TLR3: variants seen among roughly 807,000 people sequenced by gnomAD.
TLR3 encodes toll-like receptor 3.
A neutral mutation model predicts 66.4 loss-of-function variants in TLR3; 43 were observed. The observed-to-expected ratio is 0.65, with a 90% CI of 0.51 to 0.83. The LOEUF (loss-of-function observed/expected upper bound fraction) is 0.83, where lower values mean the gene tolerates loss of function less well. TLR3 is among the 40% of genes least tolerant of loss of function. TLR3 has a pLI of 0.00. For synonymous variants in TLR3, 397 were observed against 397.2 expected (o/e 1.00, Z 0.01); for missense variants, 982 against 1,044.6 (o/e 0.94, Z 0.83).
Position 186,076,898 on chromosome 4 carries a change from A to G in TLR3, c.279A>G (p.Glu93=). The G allele has an allele frequency of 6.2e-7, 1 of 1,614,230 alleles. No individual in the cohort carries two copies. The highest frequency in any genetic ancestry group is 8.5e-7 in the Non-Finnish European group (1 of 1,180,052). The change falls in exon 2 of 5, where the codon GAA becomes GAG. Residue 93 remains glutamate, a synonymous_variant. Transcript: ENST00000296795. ...GFNTISKLEP[E]LCQKLPMLKV... ...ACACCATCTCAAAACTGGAGCCAGA[A>G]TTGTGCCAGAAACTTCCCATGTTAA...
chr4:186,074,006 T>C (rs531846584), intron 1 of TLR3, among the ~76,000 whole-genome samples: 49 of 152,294 alleles, frequency 3.2e-4, no homozygotes, highest in Middle Eastern at 3.4e-3. Context: ...AAAACCATAA[T>C]TAGCTATCAC....
Position 186,078,238 on chromosome 4 carries a change from C to T in TLR3, c.442-602C>T, listed in dbSNP as rs149716240. 9.9e-5 allele frequency among the ~76,000 whole-genome samples: 15 copies of T among 152,220 alleles called. No homozygotes were observed. The East Asian group carries it at 2.9e-3, about 29-fold the overall frequency. On this transcript the variant is annotated intron_variant, in intron 2 of 4. Transcript: ENST00000296795. ...ACCTTTTGCCTGAATTTGAAGCATA[C>T]ATATTCAAAAATAGCAAAGGGTGAT...
chr4:186,076,253 T>C (rs558405630), intron 1 of TLR3, among the ~76,000 whole-genome samples: 1 of 152,324 alleles, frequency 6.6e-6, no homozygotes, highest in East Asian at 1.9e-4. Context: ...AAATTCCTTA[T>C]CTTTATAGTG....
intron 1 of TLR3, among the ~76,000 whole-genome samples, chr4:186,072,685 G>T (rs1166894579): frequency 6.6e-6 from 1 of 152,174 alleles, no homozygotes; most frequent in African/African-American, 2.4e-5. Flanking sequence ...CGAGGGGGTG[G>T]TGCTGAACCA....
Position 186,073,199 on chromosome 4 carries a change from G to A in TLR3, c.-7-3414G>A, listed in dbSNP as rs931542031. ...TTCTAAGGAAAGCACAGAACAATCC[G>A]GTGGGGGAAAGAAGTCTCTTTAAAA... On this transcript the variant is annotated intron_variant, in intron 1 of 4. Transcript: ENST00000296795. 1.9e-4 allele frequency among the ~76,000 whole-genome samples: 29 copies of A among 152,044 alleles called. 1 individual carries two copies. Among genetic ancestry groups the A allele is most frequent in the Admixed American group, 1.9e-3 (29 of 15,256 alleles).
At position 186,083,250 on chromosome 4, in the gene TLR3, A is replaced by G. The variant is rs1299388284; in HGVS notation, c.1564A>G (p.Asn522Asp). ...DLSNNNIANI[N>D]DDMLEGLEKL... ...AAGCAACAACAACATAGCCAACATA[A>G]ATGATGACATGTTGGAGGGTCTTGA... Residue 522 changes from asparagine to aspartate, a missense_variant, in exon 4 of 5, where the codon AAT becomes GAT. Coordinates refer to ENST00000296795, the MANE Select transcript of TLR3 (RefSeq NM_003265.3). This position sits in a 1 kb window ranked among gnomAD's most constrained non-coding sequence, Gnocchi z 4.0. 6.2e-7 allele frequency: 1 copy of G among 1,614,200 alleles called. No individual in the cohort carries two copies. Among genetic ancestry groups the G allele is most frequent in the Admixed American group, 1.7e-5 (1 of 60,030 alleles).
Position 186,083,485 on chromosome 4 carries a change from C to A in TLR3, c.1799C>A (p.Thr600Lys). Residue 600 changes from threonine (T) to lysine (K), a missense_variant, in exon 4 of 5, where the codon ACA becomes AAA. Around this residue, in one of 3 missense-constraint regions of TLR3, gnomAD observed 666 missense variants for 709.0 expected, o/e 0.94. Transcript: ENST00000296795. The surrounding 1 kb of genome is among the most constrained non-coding windows in gnomAD (Gnocchi z 4.0). ...GATTTAGGATTGAATAATTTAAACA[C>A]ACTTCCAGCATCTGTCTTTAATAAT... is the stretch of plus-strand genomic sequence containing the variant. ...IIDLGLNNLN[T>K]LPASVFNNQV... The A allele has an allele frequency of 1.2e-6, 2 of 1,606,998 alleles. No individual in the cohort carries two copies. Among genetic ancestry groups the A allele is most frequent in the Non-Finnish European group, 1.7e-6 (2 of 1,175,906 alleles).
chr4:186,069,445 A>C (rs1268248866), intron 1 of TLR3, among the ~76,000 whole-genome samples, 197 bp downstream of exon 1: 1 of 152,228 alleles, frequency 6.6e-6, no homozygotes, highest in Non-Finnish European at 1.5e-5. Context: ...GGTATAACTC[A>C]GAACACAAGT....
At chr4:186,075,786 T>A (rs2099302342) in intron 1 of TLR3, among the ~76,000 whole-genome samples, 1 of 152,162 alleles carries the variant, frequency 6.6e-6, no homozygotes, top group African/African-American at 2.4e-5. Flanking sequence ...TCAAGCAATG[T>A]TATAGCTGAC....
chr4:186,082,601 A>G lies in TLR3; in HGVS notation c.915A>G (p.Leu305=), dbSNP rs201480574. 6 of 1,614,152 alleles carry G rather than the reference A, an allele frequency of 3.7e-6. No homozygotes were observed. The highest frequency in any genetic ancestry group is 3.3e-5 in the South Asian group (3 of 91,078). ...AWLPQLEYFF[L]EYNNIQHLFS... ...TTCCACAACTAGAATATTTCTTCCT[A>G]GAGTATAATAATATACAGCATTTGT... is the stretch of plus-strand genomic sequence containing the variant. The change falls in exon 4 of 5, where the codon CTA becomes CTG. Residue 305 remains leucine (L), a synonymous_variant. Coordinates refer to ENST00000296795, the MANE Select transcript of TLR3 (RefSeq NM_003265.3).
At position 186,086,439 on chromosome 4, in the gene TLR3, T is replaced by G. The variant is rs951849394; in HGVS notation, c.*1566T>G. ...TTCCATGACCCTGGAATGAGAAATA[T>G]CCACTGTACCTCTGGTTCTGAAGAG... On this transcript the variant is annotated 3_prime_UTR_variant, in exon 5 of 5. Coordinates refer to ENST00000296795, the MANE Select transcript of TLR3 (RefSeq NM_003265.3). 6.6e-6 allele frequency: 1 copy of G among 152,210 alleles called. No homozygotes were observed. The highest frequency in any genetic ancestry group is 1.5e-5 in the Non-Finnish European group (1 of 68,036). 9.4% of individuals were successfully genotyped at this position (152,210 alleles called of 1,614,324 possible).
intron 2 of TLR3, 103 bp downstream of exon 2, chr4:186,077,163 T>C: frequency 8.1e-7 from 1 of 1,236,874 alleles, no homozygotes; most frequent in Non-Finnish European, 1.1e-6. Flanking sequence ...AAATTTGATC[T>C]AATCCAATTT....
chr4:186,080,795 T>C (rs1393972151), intron 3 of TLR3, among the ~76,000 whole-genome samples: 2 of 152,052 alleles, frequency 1.3e-5, no homozygotes, highest in African/African-American at 4.8e-5. Flanking sequence ...TTTCACCGTG[T>C]TGGCCAGGCT....
intron 1 of TLR3, among the ~76,000 whole-genome samples, chr4:186,069,658 A>G (rs2099301101): frequency 6.6e-6 from 1 of 152,214 alleles, no homozygotes; most frequent in Non-Finnish European, 1.5e-5. Context: ...TGTTAGTTTT[A>G]TTGGCTGGAG....
chr4:186,085,937 C>T lies in TLR3; in HGVS notation c.*1064C>T, dbSNP rs2099304287. On this transcript the variant is annotated 3_prime_UTR_variant, in exon 5 of 5. Coordinates refer to ENST00000296795, the MANE Select transcript of TLR3 (RefSeq NM_003265.3). ...TGGAGTTCAGTGGTCCAACCTCGGCCCACCGCAACCTCCACCTCTGAGTTC... is the reference window on the plus strand; with the variant it reads ...TGGAGTTCAGTGGTCCAACCTCGGCTCACCGCAACCTCCACCTCTGAGTTC... 1 of 152,030 alleles carries T rather than the reference C, an allele frequency of 6.6e-6. No individual in the cohort carries two copies. The highest frequency in any genetic ancestry group is 1.5e-5 in the Non-Finnish European group (1 of 68,030). The allele number at this position is 152,030 out of a possible 1,614,324, so 9.4% of individuals were successfully genotyped here.
intron 2 of TLR3, among the ~76,000 whole-genome samples, chr4:186,077,337 T>C (rs999507431): frequency 1.3e-5 from 2 of 152,198 alleles, no homozygotes; most frequent in Non-Finnish European, 2.9e-5. Context: ...AGAATCAGAA[T>C]ATCCCCTAAG....
intron 2 of TLR3, among the ~76,000 whole-genome samples, 193 bp downstream of exon 2, chr4:186,077,253 C>T (rs2099302597): frequency 6.6e-6 from 1 of 152,138 alleles, no homozygotes; most frequent in African/African-American, 2.4e-5. Context: ...CCTTAATTTT[C>T]AATGTTTGCC....
intron 1 of TLR3, among the ~76,000 whole-genome samples, chr4:186,075,605 G>A (rs1295631114): frequency 6.6e-6 from 1 of 151,824 alleles, no homozygotes; most frequent in African/African-American, 2.4e-5. Context: ...ACTCCAGCCT[G>A]GGTGACAGAG....
rs772033168 is a variant in TLR3 at position 186,083,168 on chromosome 4, T to G, written c.1482T>G (p.Asn494Lys). 2.5e-6 allele frequency: 4 copies of G among 1,614,102 alleles called. No homozygotes were observed. The African/African-American group carries it at 5.3e-5, about 22-fold the overall frequency. The change falls in exon 4 of 5, where the codon AAT becomes AAG. Residue 494 changes from asparagine to lysine, a missense_variant. Physicochemically the swap from Asn to Lys is moderately conservative, Grantham distance 94. Around this residue, in one of 3 missense-constraint regions of TLR3, gnomAD observed 666 missense variants for 709.0 expected, o/e 0.94. Transcript: ENST00000296795. The surrounding 1 kb of genome is among the most constrained non-coding windows in gnomAD (Gnocchi z 4.0). Reference sequence around the variant, plus strand: ...TGCTCCGAAGGGTGGCCCTTAAAAATGTGGATAGCTCTCCTTCACCATTCC... The same window carrying G: ...TGCTCCGAAGGGTGGCCCTTAAAAAGGTGGATAGCTCTCCTTCACCATTCC... ...RLMLRRVALK[N>K]VDSSPSPFQP...
Sources: gnomAD v4.1 joint callset for allele counts (sites outside exome capture counted in the v4.1 genomes callset) on GRCh38, gnomAD v4.1.1 for gene constraint, gnomAD v4.1.1 regional missense constraint, Gnocchi (gnomAD v3.1) non-coding constraint, MANE v1.5 for transcripts, NCBI Gene and HGNC (gene_info 2026-07-23, HGNC 2026-07-21) for gene names.